Variants in ZMIZ1 observed in about 807,000 individuals in gnomAD.
ZMIZ1 encodes zinc finger MIZ-type containing 1, also known as zinc finger MIZ domain-containing protein 1.
A neutral mutation model predicts 113.9 loss-of-function variants in ZMIZ1; 17 were observed. That is an observed-to-expected ratio of 0.15 (90% confidence interval 0.10 to 0.22). ZMIZ1 has a LOEUF of 0.22. ZMIZ1 is among the 10% of genes least tolerant of loss of function. ZMIZ1 has a pLI of 1.00. For synonymous variants in ZMIZ1, 607 were observed against 603.1 expected (o/e 1.01, Z -0.09); for missense variants, 1,059 against 1,477.8 (o/e 0.72, Z 4.65).
chr10:79,273,577 C>T (rs758644784), intron 7 of ZMIZ1, among the ~76,000 whole-genome samples: 2 of 152,148 alleles, frequency 1.3e-5, no homozygotes, highest in Non-Finnish European at 2.9e-5. Context: ...AGGTTAGTCT[C>T]GAACTCCTGA....
intron 1 of ZMIZ1, among the ~76,000 whole-genome samples, chr10:79,092,499 G>C (rs1481486235): frequency 6.6e-6 from 1 of 152,264 alleles, no homozygotes; most frequent in Non-Finnish European, 1.5e-5. Flanking sequence ...TGTGCTAGGA[G>C]ACCCAGGCTT....
rs1231927358 is a variant in ZMIZ1, at chr10:79,315,600, A to G, written c.*2851A>G. ...ATCTTCTTGGTTTGAAGCTTTATCC[A>G]TGTATCATGTTCCGTGTAGCCATTT... On this transcript the variant is annotated 3_prime_UTR_variant, in exon 25 of 25. Coordinates refer to ENST00000334512, the MANE Select transcript of ZMIZ1 (RefSeq NM_020338.4). The G allele has an allele frequency of 6.5e-6, 1 of 152,736 alleles. No individual in the cohort carries two copies. Among genetic ancestry groups the G allele is most frequent in the Non-Finnish European group, 1.5e-5 (1 of 68,044 alleles). 9.5% of individuals were successfully genotyped at this position (152,736 alleles called of 1,614,324 possible).
At chr10:79,132,753 G>C (rs1844824892) in intron 2 of ZMIZ1, among the ~76,000 whole-genome samples, 1 of 152,212 alleles carries the variant, frequency 6.6e-6, no homozygotes, top group African/African-American at 2.4e-5. Flanking sequence ...CCTCCCTCAG[G>C]CTTGGCGAGG....
chr10:79,179,760 C>T (rs1847033776), intron 4 of ZMIZ1, among the ~76,000 whole-genome samples: 1 of 152,266 alleles, frequency 6.6e-6, no homozygotes, highest in South Asian at 2.1e-4. Flanking sequence ...CTTCATTATC[C>T]CTGGATTGAA....
rs747270716 is a variant in ZMIZ1 at position 79,292,227 on chromosome 10, C to T, written c.828C>T (p.Phe276=). The change falls in exon 11 of 25, where the codon TTC becomes TTT. Residue 276 remains phenylalanine (F), a synonymous_variant. Coordinates refer to ENST00000334512, the MANE Select transcript of ZMIZ1 (RefSeq NM_020338.4). ...CGCACACCAGGCCGCCTGCTGACTT[C>T]ACTCAGCCCGCGGCAGCCGCTGCAG... ...IPPHTRPPAD[F]TQPAAAAAAA... is the part of the protein sequence containing the mutation. 1 of 1,612,562 alleles carries T rather than the reference C, an allele frequency of 6.2e-7. No individual in the cohort carries two copies. Among genetic ancestry groups the T allele is most frequent in the Non-Finnish European group, 8.5e-7 (1 of 1,179,696 alleles).
At chr10:79,289,916 C>T in intron 9 of ZMIZ1, 27 bp downstream of exon 9, 1 of 1,592,558 alleles carries the variant, frequency 6.3e-7, no homozygotes, top group Non-Finnish European at 8.6e-7. Context: ...CCCTCAGCCA[C>T]AGCTCTTTCT....
At position 79,300,787 on chromosome 10, in the gene ZMIZ1, A is replaced by T. The variant is rs1311298002; in HGVS notation, c.1864A>T (p.Thr622Ser). 6.2e-7 allele frequency: 1 copy of T among 1,614,008 alleles called. No homozygotes were observed. Among genetic ancestry groups the T allele is most frequent in the Non-Finnish European group, 8.5e-7 (1 of 1,180,016 alleles). The change falls in exon 17 of 25, where the codon ACC becomes TCC. Residue 622 changes from threonine to serine, a missense_variant. Coordinates refer to ENST00000334512, the MANE Select transcript of ZMIZ1 (RefSeq NM_020338.4). The part of the protein sequence containing the change: ...CYHHEDRQMN[T>S]NWPASVQVSV... Reference sequence around the variant, plus strand: ...CCACCACGAGGACCGGCAGATGAACACCAACTGGCCCGCCTCGGTGCAGGT... The same window carrying T: ...CCACCACGAGGACCGGCAGATGAACTCCAACTGGCCCGCCTCGGTGCAGGT...
At position 79,293,464 on chromosome 10, in the gene ZMIZ1, C is replaced by A; in HGVS notation, c.1041C>A (p.Asn347Lys). Residue 347 changes from asparagine to lysine, a missense_variant, in exon 12 of 25, where the codon AAC becomes AAA. Asn to Lys is a moderately conservative substitution (Grantham distance 94, BLOSUM62 0). Coordinates refer to ENST00000334512, the MANE Select transcript of ZMIZ1 (RefSeq NM_020338.4). Reference sequence around the variant, plus strand: ...CTGCCTCCATGGGGGGCAGCATGAACCCCGCGAGCATGGCGGCTGGCATGA... The same window carrying A: ...CTGCCTCCATGGGGGGCAGCATGAAACCCGCGAGCATGGCGGCTGGCATGA... ...RGPASMGGSM[N>K]PASMAAGMTP... 5.8e-6 allele frequency: 9 copies of A among 1,560,998 alleles called. No homozygotes were observed. Among genetic ancestry groups the A allele is most frequent in the Non-Finnish European group, 6.9e-6 (8 of 1,151,918 alleles).
intron 1 of ZMIZ1, among the ~76,000 whole-genome samples, chr10:79,115,456 G>A (rs1545142): frequency 0.19 from 28,263 of 152,200 alleles, 2,681 homozygotes; most frequent in South Asian, 0.21. Flanking sequence ...TGGCCTGTCT[G>A]TAGTGTGTGA....
At position 79,164,804 on chromosome 10, in the gene ZMIZ1, G is replaced by A. The variant is rs565137346; in HGVS notation, c.-50+2671G>A. Among the ~76,000 whole-genome samples the A allele has an allele frequency of 1.3e-5, 2 of 152,340 alleles. 1 individual carries two copies. The highest frequency in any genetic ancestry group is 4.1e-4 in the South Asian group (2 of 4,832). On this transcript the variant is annotated intron_variant, in intron 4 of 24. Coordinates refer to ENST00000334512, the MANE Select transcript of ZMIZ1 (RefSeq NM_020338.4). ...GGCCACTTGGACAGTGGATTTTGGG[G>A]CTTGGAGCATCCCTGAGTCTGGGAG...
chr10:79,151,125 G>A (rs901723909), intron 3 of ZMIZ1, among the ~76,000 whole-genome samples: 1 of 152,136 alleles, frequency 6.6e-6, no homozygotes, highest in African/African-American at 2.4e-5. Flanking sequence ...GCTCCTGGGC[G>A]AGCTGAAAGC....
intron 7 of ZMIZ1, among the ~76,000 whole-genome samples, chr10:79,245,642 C>G (rs2132856816): frequency 1.3e-5 from 2 of 152,284 alleles, no homozygotes; most frequent in Middle Eastern, 6.8e-3. Context: ...AGTCAGGCAG[C>G]TAGAGGGAGA....
intron 7 of ZMIZ1, among the ~76,000 whole-genome samples, chr10:79,246,554 G>T (rs1404904929): frequency 6.6e-6 from 1 of 152,136 alleles, no homozygotes; most frequent in African/African-American, 2.4e-5. Context: ...AGAGAGAGGG[G>T]TACAGGCCCG....
intron 4 of ZMIZ1, among the ~76,000 whole-genome samples, chr10:79,190,101 G>C (rs560107721): frequency 6.6e-5 from 10 of 152,228 alleles, no homozygotes; most frequent in African/African-American, 2.4e-4. Flanking sequence ...GCTGCCCAGG[G>C]CCTCTGCAGG....
In ZMIZ1 at chr10:79,201,620, T is replaced by G; in HGVS notation, c.-13T>G. 1.2e-6 allele frequency: 2 copies of G among 1,613,426 alleles called. No individual in the cohort carries two copies. The highest frequency in any genetic ancestry group is 2.2e-5 in the East Asian group (1 of 44,840). On this transcript the variant is annotated 5_prime_UTR_variant, in exon 5 of 25. Coordinates refer to ENST00000334512, the MANE Select transcript of ZMIZ1 (RefSeq NM_020338.4). ...TTCATGGCTCTCGGGTAGAACCTAG[T>G]GAAACGGCCAGAATGAATTCTATGG... is the stretch of plus-strand genomic sequence containing the variant.
In ZMIZ1 at chr10:79,307,509, C is replaced by A. The variant is rs971768657; in HGVS notation, c.2773C>A (p.Pro925Thr). Reference protein sequence around the residue: ...MHGPPQLSHPPDMPNNMAALE... With the variant: ...MHGPPQLSHPTDMPNNMAALE... ...CGGGCCCCCCCAGCTCTCCCACCCC[C>A]CGGACATGCCCAACAACATGGCCGC... is the stretch of plus-strand genomic sequence containing the variant. The change falls in exon 23 of 25, where the codon CCG (proline) becomes ACG (threonine). Residue 925 changes from proline to threonine, a missense_variant. Transcript: ENST00000334512. 3.1e-6 allele frequency: 5 copies of A among 1,612,554 alleles called. No homozygotes were observed. The highest frequency in any genetic ancestry group is 3.4e-6 in the Non-Finnish European group (4 of 1,179,292).
At position 79,269,895 on chromosome 10, in the gene ZMIZ1, G is replaced by A. The variant is rs543155913; in HGVS notation, c.281-7286G>A. Among the ~76,000 whole-genome samples, 3 of 152,328 alleles carry A rather than the reference G, an allele frequency of 2.0e-5. No individual in the cohort carries two copies. The South Asian group carries it at 6.2e-4, about 32-fold the overall frequency. On this transcript the variant is annotated intron_variant, in intron 7 of 24. Coordinates refer to ENST00000334512, the MANE Select transcript of ZMIZ1 (RefSeq NM_020338.4). Reference sequence around the variant, plus strand: ...CCAGGTGAGCGTACCTGCTCCCCGTGACACCCGACCCGATCGATGCTAACA... The same window carrying A: ...CCAGGTGAGCGTACCTGCTCCCCGTAACACCCGACCCGATCGATGCTAACA...
At chr10:79,077,118 G>A (rs1429995845) in intron 1 of ZMIZ1, among the ~76,000 whole-genome samples, 1 of 152,154 alleles carries the variant, frequency 6.6e-6, no homozygotes, top group Admixed American at 6.5e-5. Context: ...CTAGGTGAGA[G>A]CACACTAGGA....
At position 79,277,244 on chromosome 10, in the gene ZMIZ1, G is replaced by C; in HGVS notation, c.344G>C (p.Arg115Pro). The C allele has an allele frequency of 6.3e-7, 1 of 1,590,084 alleles. No individual in the cohort carries two copies. Among genetic ancestry groups the C allele is most frequent in the Non-Finnish European group, 8.6e-7 (1 of 1,168,732 alleles). The change falls in exon 8 of 25, where the codon CGC (arginine) becomes CCC (proline). Residue 115 changes from arginine to proline, a missense_variant. Coordinates refer to ENST00000334512, the MANE Select transcript of ZMIZ1 (RefSeq NM_020338.4). ...RLLLLRHQKS[R>P]QSDPPGKLPM... ...CTGCTGCTCCGACATCAGAAGAGCC[G>C]CCAGAGCGATCCCCCTGGGAAACTC...
Sources: allele counts gnomAD v4.1 joint callset (sites outside exome capture counted in the v4.1 genomes callset), GRCh38; gene constraint gnomAD v4.1.1; transcripts MANE v1.5; gene names NCBI Gene and HGNC (gene_info 2026-07-23, HGNC 2026-07-21).